LRP1B: variants seen among roughly 807,000 people sequenced by gnomAD.
LRP1B encodes LDL receptor related protein 1B.
Under a neutral mutation model 556.6 loss-of-function variants are expected in LRP1B, and 217 were observed. The ratio of observed to expected loss-of-function variants is 0.39; its 90% CI spans 0.35 to 0.44. LRP1B has a LOEUF of 0.44. LRP1B is among the 20% of genes least tolerant of loss of function. The probability of loss-of-function intolerance (pLI) is 1.00; values close to 1 mark genes in which losing one functional copy is unlikely to be tolerated. For synonymous variants in LRP1B, 2,047 were observed against 1,865.8 expected (o/e 1.10, Z -2.50); for missense variants, 5,053 against 5,620.8 (o/e 0.90, Z 3.23).
intron 3 of LRP1B, among the ~76,000 whole-genome samples, chr2:141,407,181 C>T (rs924943135): frequency 1.3e-5 from 2 of 151,990 alleles, no homozygotes; most frequent in Admixed American, 1.3e-4. Flanking sequence ...TAAATATATT[C>T]TATACATTTT....
rs561148779 is a variant in LRP1B at position 140,427,461 on chromosome 2, C to T, written c.10414+15043G>A. 2.0e-5 allele frequency among the ~76,000 whole-genome samples: 3 copies of T among 152,320 alleles called. No homozygotes were observed. In the South Asian group the frequency reaches 6.2e-4, roughly 32 times the overall value. On this transcript the variant is annotated intron_variant, in intron 66 of 90. Coordinates refer to ENST00000389484, the MANE Select transcript of LRP1B (RefSeq NM_018557.3). Reference sequence around the variant, plus strand: ...TCTTAAGAACTTAAAACCTCTTCAACTCTCACCTGACCTAAAATCTAAGTG... The same window carrying T: ...TCTTAAGAACTTAAAACCTCTTCAATTCTCACCTGACCTAAAATCTAAGTG...
At chr2:140,481,011 C>T (rs1688214659) in intron 59 of LRP1B, among the ~76,000 whole-genome samples, 1 of 151,948 alleles carries the variant, frequency 6.6e-6, no homozygotes, top group Admixed American at 6.5e-5. Flanking sequence ...GGATTACAGG[C>T]CTGTGTCAAC....
intron 41 of LRP1B, among the ~76,000 whole-genome samples, chr2:140,649,429 T>A (rs1037753050): frequency 1.3e-5 from 2 of 152,184 alleles, no homozygotes; most frequent in African/African-American, 4.8e-5. Context: ...AAAGTTGAAG[T>A]GTTCATTCAA....
At chr2:141,456,592 A>G (rs1395686659) in intron 3 of LRP1B, among the ~76,000 whole-genome samples, 1 of 152,220 alleles carries the variant, frequency 6.6e-6, no homozygotes, top group East Asian at 1.9e-4. Context: ...TGTTGAAGAA[A>G]TAAAATAATA....
chr2:141,122,236 C>A (rs1006778165), intron 7 of LRP1B, among the ~76,000 whole-genome samples: 6 of 151,956 alleles, frequency 3.9e-5, no homozygotes, highest in Non-Finnish European at 7.4e-5. Flanking sequence ...GCAACAAAAG[C>A]CAAAATTGAC....
At chr2:140,546,884 G>C (rs932499126) in intron 43 of LRP1B, among the ~76,000 whole-genome samples, 4 of 151,976 alleles carry the variant, frequency 2.6e-5, no homozygotes, top group Admixed American at 2.6e-4. Flanking sequence ...TTTATCAAAA[G>C]CCTTTTTTGC....
At chr2:141,773,657 A>C (rs1009830874) in intron 2 of LRP1B, among the ~76,000 whole-genome samples, 3 of 152,222 alleles carry the variant, frequency 2.0e-5, no homozygotes, top group Admixed American at 6.5e-5. Context: ...TCCCAAAAGC[A>C]CAGGTCTGCT....
At chr2:140,980,651 T>C (rs576774130) in intron 18 of LRP1B, among the ~76,000 whole-genome samples, 13 of 152,260 alleles carry the variant, frequency 8.5e-5, no homozygotes, top group Non-Finnish European at 1.8e-4. Flanking sequence ...GGCATTTAAA[T>C]TGAGAGGTTA....
At chr2:140,716,555 A>G in intron 36 of LRP1B, 127 bp downstream of exon 36, 2 of 923,832 alleles carry the variant, frequency 2.2e-6, no homozygotes, top group Non-Finnish European at 1.6e-6. Flanking sequence ...AAAAGAGACT[A>G]TTTACCCCTG....
At chr2:140,621,384 C>CAAAAAAAA (rs61045975) in intron 41 of LRP1B, among the ~76,000 whole-genome samples, 1 of 106,994 alleles carries the variant, frequency 9.3e-6, no homozygotes. Context: ...GACTCTGTCT[C>CAAAAAAAA]AAAAAAAAAA....
At chr2:141,363,391 A>G (rs1254888747) in intron 3 of LRP1B, among the ~76,000 whole-genome samples, 1 of 152,094 alleles carries the variant, frequency 6.6e-6, no homozygotes, top group African/African-American at 2.4e-5. Context: ...TTTTTAAGGA[A>G]CTGGAGATTG....
At chr2:140,937,797 A>G (rs925600707) in intron 20 of LRP1B, among the ~76,000 whole-genome samples, 2 of 151,888 alleles carry the variant, frequency 1.3e-5, no homozygotes, top group Non-Finnish European at 2.9e-5. Flanking sequence ...GTCAAAATAT[A>G]TTGGTTTTAA....
At chr2:141,355,054 G>A (rs1217613555) in intron 3 of LRP1B, among the ~76,000 whole-genome samples, 1 of 152,070 alleles carries the variant, frequency 6.6e-6, no homozygotes, top group East Asian at 1.9e-4. Flanking sequence ...CTTAGGTATT[G>A]GTAAGGATAA....
chr2:140,673,916 A>C (rs938922320), intron 41 of LRP1B, among the ~76,000 whole-genome samples: 7 of 146,990 alleles, frequency 4.8e-5, no homozygotes, highest in African/African-American at 7.5e-5. Context: ...AACATATTTT[A>C]CCCCGAAATA....
intron 29 of LRP1B, among the ~76,000 whole-genome samples, chr2:140,842,667 T>C (rs187473429): frequency 1.9e-3 from 287 of 152,262 alleles, no homozygotes; most frequent in Non-Finnish European, 3.6e-3. Context: ...CCACGTCTTA[T>C]ACATATTTAT....
At chr2:140,841,302 T>C (rs1277799963) in intron 29 of LRP1B, among the ~76,000 whole-genome samples, 1 of 152,216 alleles carries the variant, frequency 6.6e-6, no homozygotes, top group East Asian at 1.9e-4. Context: ...TTTGAAAACC[T>C]GAAGCAACAA....
chr2:140,792,661 G>T (rs761451650), intron 32 of LRP1B, among the ~76,000 whole-genome samples: 3 of 152,014 alleles, frequency 2.0e-5, no homozygotes, highest in Non-Finnish European at 4.4e-5. Flanking sequence ...ATCATAACAT[G>T]CTGAATTTAA....
intron 41 of LRP1B, among the ~76,000 whole-genome samples, chr2:140,632,721 G>A (rs76721747): frequency 0.018 from 2,721 of 152,216 alleles, 46 homozygotes; most frequent in Admixed American, 0.047. Context: ...GATTGTCATG[G>A]TGGATTTAAA....
At chr2:140,535,479 G>A (rs1412048988) in intron 46 of LRP1B, among the ~76,000 whole-genome samples, 1 of 152,098 alleles carries the variant, frequency 6.6e-6, no homozygotes, top group African/African-American at 2.4e-5. Flanking sequence ...AGAGTGAGAA[G>A]ATGTCTGTGG....
Sources: allele counts gnomAD v4.1 joint callset (sites outside exome capture counted in the v4.1 genomes callset), GRCh38; gene constraint gnomAD v4.1.1; transcripts MANE v1.5; gene names NCBI Gene and HGNC (gene_info 2026-07-23, HGNC 2026-07-21).